Variants in CLASP2 observed in about 807,000 individuals in gnomAD.
The protein encoded by CLASP2 is cytoplasmic linker associated protein 2.
CLASP2 carries 47 observed loss-of-function variants against 194.4 expected under a neutral mutation model. The observed-to-expected ratio is 0.24, with a 90% CI of 0.19 to 0.31. CLASP2 has a LOEUF of 0.31. Ranked by LOEUF, CLASP2 falls within the 10% of genes least tolerant of loss-of-function variation. CLASP2 has a pLI of 1.00. For synonymous variants in CLASP2, 619 were observed against 633.5 expected (o/e 0.98, Z 0.34); for missense variants, 1,445 against 1,823.6 (o/e 0.79, Z 3.78).
At chr3:33,540,526 G>A (rs1252219916) in intron 32 of CLASP2, among the ~76,000 whole-genome samples, 1 of 152,016 alleles carries the variant, frequency 6.6e-6, no homozygotes, top group Non-Finnish European at 1.5e-5. Context: ...GCAAGTGTGA[G>A]CCATTCTGCT....
At chr3:33,516,207 AT>A in intron 35 of CLASP2, 56 bp from the exon 36 acceptor site, 1 of 1,500,768 alleles carries the variant, frequency 6.7e-7, no homozygotes, top group Non-Finnish European at 8.9e-7. Flanking sequence ...AATCTTTAAC[AT>A]TTTCAATTTT....
chr3:33,708,502 A>ATG (rs1213558335), intron 1 of CLASP2, among the ~76,000 whole-genome samples: 4 of 79,962 alleles, frequency 5.0e-5, no homozygotes, highest in Non-Finnish European at 9.7e-5. Flanking sequence ...ATATATATAT[A>ATG]TATGTATATA....
intron 2 of CLASP2, among the ~76,000 whole-genome samples, chr3:33,694,870 G>A (rs984732426): frequency 6.6e-6 from 1 of 152,082 alleles, no homozygotes; most frequent in South Asian, 2.1e-4. Context: ...GAGTGTTGAG[G>A]AGGCTGAGGC....
chr3:33,581,958 T>A, intron 22 of CLASP2, 30 bp from the exon 23 acceptor site: 1 of 1,481,182 alleles, frequency 6.8e-7, no homozygotes, highest in Non-Finnish European at 9.4e-7. Context: ...GCACACACAG[T>A]AAGGGAGAAA....
intron 21 of CLASP2, among the ~76,000 whole-genome samples, chr3:33,589,513 C>A (rs972560089): frequency 6.6e-6 from 1 of 152,008 alleles, no homozygotes; most frequent in Admixed American, 6.5e-5. Flanking sequence ...TTACATAATA[C>A]CTTTTTTACA....
At chr3:33,676,975 A>C (rs963628015) in intron 6 of CLASP2, among the ~76,000 whole-genome samples, 1 of 152,380 alleles carries the variant, frequency 6.6e-6, no homozygotes. Context: ...ACTGGTCATC[A>C]GAGAAATGCA....
intron 29 of CLASP2, among the ~76,000 whole-genome samples, chr3:33,553,865 A>G (rs914849880): frequency 6.6e-6 from 1 of 152,204 alleles, no homozygotes; most frequent in Non-Finnish European, 1.5e-5. Context: ...TACCCAAAGG[A>G]TATGAAATCA....
At chr3:33,622,857 G>A (rs1164084437) in intron 10 of CLASP2, among the ~76,000 whole-genome samples, 1 of 151,424 alleles carries the variant, frequency 6.6e-6, no homozygotes, top group East Asian at 1.9e-4. Context: ...GCCCAGGCTG[G>A]AATGCAGTGG....
At chr3:33,617,953 T>A (rs13084088) in intron 12 of CLASP2, among the ~76,000 whole-genome samples, 14,065 of 78,868 alleles carry the variant, frequency 0.18, 710 homozygotes, top group African/African-American at 0.32. Context: ...ATATATATAT[T>A]TTTTTTTTTT....
chr3:33,598,337 A>T (rs987617470), intron 18 of CLASP2, among the ~76,000 whole-genome samples: 2 of 150,956 alleles, frequency 1.3e-5, no homozygotes, highest in Admixed American at 1.3e-4. Context: ...CCCCAATCAC[A>T]CTCTTCTTAA....
chr3:33,530,153 A>G (rs1284968711), intron 34 of CLASP2, among the ~76,000 whole-genome samples: 1 of 152,114 alleles, frequency 6.6e-6, no homozygotes, highest in African/African-American at 2.4e-5. Flanking sequence ...ACACTCTAAA[A>G]TAGTGATGAA....
At chr3:33,535,179 C>A in intron 34 of CLASP2, 54 bp downstream of exon 34, 2 of 1,221,944 alleles carry the variant, frequency 1.6e-6, no homozygotes, top group Non-Finnish European at 2.4e-6. Context: ...TCTTTTACTT[C>A]ATCAATTACC....
At chr3:33,690,586 C>G (rs2091236335) in intron 2 of CLASP2, among the ~76,000 whole-genome samples, 1 of 152,112 alleles carries the variant, frequency 6.6e-6, no homozygotes. Context: ...ATACAGTAGT[C>G]CCCCCTTATC....
At position 33,570,714 on chromosome 3, in the gene CLASP2, T is replaced by C. The variant is rs773066843; in HGVS notation, c.2763+13A>G. On this transcript the variant is annotated intron_variant, in intron 26 of 38. Transcript: ENST00000682230. The stretch of plus-strand genomic sequence containing the variant: ...CCCTATAGAAATAAATAATCTTAAA[T>C]ACTAAAACATACCTTGCCATGAGGG... The C allele has an allele frequency of 1.8e-5, 28 of 1,588,026 alleles. No individual in the cohort carries two copies. The highest frequency in any genetic ancestry group is 6.8e-5 in the East Asian group (3 of 43,882).
intron 30 of CLASP2, among the ~76,000 whole-genome samples, chr3:33,547,657 A>G (rs1297266565): frequency 6.6e-6 from 1 of 152,136 alleles, no homozygotes; most frequent in Admixed American, 6.5e-5. Flanking sequence ...CATAGAATAA[A>G]CTGGGAAGTG....
At chr3:33,677,929 CAA>C (rs777895095) in intron 6 of CLASP2, among the ~76,000 whole-genome samples, 6 of 60,028 alleles carry the variant, frequency 1.0e-4, no homozygotes, top group Non-Finnish European at 1.8e-4. Flanking sequence ...AACAAAGTAC[CAA>C]AAAAAAAAAA....
rs529410499 is a variant in CLASP2, at chr3:33,501,863, C to G, written c.4318-95G>C. 7.5e-5 allele frequency: 59 copies of G among 789,988 alleles called. No individual in the cohort carries two copies. In the South Asian group the frequency reaches 8.5e-4, roughly 11 times the overall value. The allele number at this position is 789,988 out of a possible 1,614,324, so 48.9% of individuals were successfully genotyped here. On this transcript the variant is annotated intron_variant, in intron 37 of 38. Coordinates refer to ENST00000682230, the MANE Select transcript of CLASP2 (RefSeq NM_001365631.1). ...AGAAGATGCAGCTGAAAGATGAAAT[C>G]TCGAGCATACTAAGGAGAGAAAAGT... is the stretch of plus-strand genomic sequence containing the variant.
chr3:33,592,829 T>C (rs1277650407), intron 20 of CLASP2: 3 of 330,008 alleles, frequency 9.1e-6, no homozygotes, highest in Non-Finnish European at 1.7e-5. Flanking sequence ...AATTTCAGTT[T>C]CCATGAAGTT....
rs190461541 is a variant in CLASP2, at chr3:33,599,928, T to G, written c.1924+3024A>C. Among the ~76,000 whole-genome samples the G allele has an allele frequency of 2.0e-5, 3 of 152,166 alleles. No individual in the cohort carries two copies. In the East Asian group the frequency reaches 5.8e-4, roughly 29 times the overall value. ...GCACTCTCCTTTTTACAATGAAACA[T>G]GAAATTCAAACCTTAAAGAACAACA... is the stretch of plus-strand genomic sequence containing the variant. On this transcript the variant is annotated intron_variant, in intron 18 of 38. Transcript: ENST00000682230.
Sources: gnomAD v4.1 joint callset for allele counts (sites outside exome capture counted in the v4.1 genomes callset) on GRCh38, gnomAD v4.1.1 for gene constraint, MANE v1.5 for transcripts, NCBI Gene and HGNC (gene_info 2026-07-23, HGNC 2026-07-21) for gene names.